ITGA11: variants seen among roughly 807,000 people sequenced by gnomAD.
ITGA11 encodes integrin subunit alpha 11, also known as integrin alpha-11.
ITGA11 carries 97 observed loss-of-function variants against 141.9 expected under a neutral mutation model. The observed-to-expected ratio is 0.68, with a 90% CI of 0.58 to 0.81. The LOEUF is 0.81. Among genes scored for constraint, ITGA11 ranks in the 30% least tolerant of loss-of-function variants. The pLI is 0.00. For missense variants in ITGA11, 1,387 were observed against 1,559.2 expected (o/e 0.89, Z 1.86); for synonymous variants, 658 against 624.6 (o/e 1.05, Z -0.80).
At chr15:68,425,265 GA>G (rs900660738) in intron 1 of ITGA11, among the ~76,000 whole-genome samples, 2 of 152,234 alleles carry the variant, frequency 1.3e-5, no homozygotes, top group Admixed American at 1.3e-4. Context: ...CTCATGTTCA[GA>G]AAGGCCCTGC....
intron 11 of ITGA11, among the ~76,000 whole-genome samples, chr15:68,337,360 C>T (rs1032874547): frequency 1.3e-5 from 2 of 151,996 alleles, no homozygotes; most frequent in South Asian, 2.1e-4. Context: ...GACCATGGCC[C>T]GAAATTTATA....
chr15:68,332,323 C>G lies in ITGA11; in HGVS notation c.1566+15G>C, dbSNP rs755320981. On this transcript the variant is annotated intron_variant, in intron 13 of 29. Coordinates refer to ENST00000315757, the MANE Select transcript of ITGA11 (RefSeq NM_001004439.2). ...GGGGCACCTGAGAAGCTGCCCAGCC[C>G]CTGCCCAGCTGTACCTGTCTCAGCT... is the stretch of plus-strand genomic sequence containing the variant. The G allele has an allele frequency of 1.3e-6, 2 of 1,597,314 alleles. No homozygotes were observed. Among genetic ancestry groups the G allele is most frequent in the African/African-American group, 2.7e-5 (2 of 74,594 alleles).
intron 2 of ITGA11, among the ~76,000 whole-genome samples, chr15:68,387,676 T>A (rs1896019240): frequency 6.6e-6 from 1 of 152,108 alleles, no homozygotes; most frequent in Admixed American, 6.5e-5. Context: ...TGGGCTCCAA[T>A]CCTGGTAGAG....
At chr15:68,316,225 C>G (rs1893570020) in intron 21 of ITGA11, among the ~76,000 whole-genome samples, 1 of 152,206 alleles carries the variant, frequency 6.6e-6, no homozygotes, top group African/African-American at 2.4e-5. Flanking sequence ...AGTGGCCACC[C>G]AGCAGGCCAA....
intron 2 of ITGA11, among the ~76,000 whole-genome samples, chr15:68,377,335 G>A (rs986512167): frequency 2.0e-5 from 3 of 152,090 alleles, no homozygotes; most frequent in African/African-American, 7.2e-5. Flanking sequence ...GCAGTGGTGG[G>A]ATCTCAGCTC....
At chr15:68,379,323 C>T (rs574157559) in intron 2 of ITGA11, among the ~76,000 whole-genome samples, 45 of 152,326 alleles carry the variant, frequency 3.0e-4, no homozygotes, top group African/African-American at 1.1e-3. Context: ...GAAGCTTTGT[C>T]TATACCTTTA....
rs919307991 is a variant in ITGA11, at chr15:68,335,055, C to T, written c.1425+642G>A. On this transcript the variant is annotated intron_variant, in intron 12 of 29. Coordinates refer to ENST00000315757, the MANE Select transcript of ITGA11 (RefSeq NM_001004439.2). This position sits in a 1 kb window ranked among gnomAD's most constrained non-coding sequence, Gnocchi z 4.9. Reference sequence around the variant, plus strand: ...CTCAGGAGACAGGACTGTTCCCAGGCTCAGGAGAGCCGGCAGGGAGCTGGG... The same window carrying T: ...CTCAGGAGACAGGACTGTTCCCAGGTTCAGGAGAGCCGGCAGGGAGCTGGG... Among the ~76,000 whole-genome samples the T allele has an allele frequency of 6.6e-6, 1 of 152,142 alleles. No homozygotes were observed. The highest frequency in any genetic ancestry group is 2.4e-5 in the African/African-American group (1 of 41,446).
chr15:68,360,620 G>A (rs1006192257), intron 5 of ITGA11, among the ~76,000 whole-genome samples: 1 of 152,184 alleles, frequency 6.6e-6, no homozygotes, highest in African/African-American at 2.4e-5. Flanking sequence ...TCCACCACAT[G>A]AGGTTCAGGG....
At chr15:68,311,123 C>T (rs781049504) in intron 25 of ITGA11, 43 bp from the exon 26 acceptor site, 1 of 1,495,138 alleles carries the variant, frequency 6.7e-7, no homozygotes, top group African/African-American at 1.4e-5. Context: ...CACAGCCTCA[C>T]AACCAGCTCT....
intron 10 of ITGA11, among the ~76,000 whole-genome samples, chr15:68,342,603 T>C (rs1485685002): frequency 1.3e-5 from 2 of 152,098 alleles, no homozygotes; most frequent in African/African-American, 4.8e-5. Context: ...GCTCCCAGGG[T>C]GTGTGACCAT....
Position 68,311,055 on chromosome 15 carries a change from C to T in ITGA11, c.3113G>A (p.Gly1038Asp), listed in dbSNP as rs1893364092. ...DEANTSCNIW[G>D]NSTEYRPTPV... ...GGTGGGCCGGTACTCAGTGCTATTG[C>T]CCCAGATGTTACAGGACGTGTTCGC... Residue 1038 changes from glycine to aspartate, a missense_variant, in exon 26 of 30, where the codon GGC becomes GAC. By Grantham distance (94) the Gly-to-Asp change is moderately conservative. Coordinates refer to ENST00000315757, the MANE Select transcript of ITGA11 (RefSeq NM_001004439.2). 6.2e-7 allele frequency: 1 copy of T among 1,607,844 alleles called. No homozygotes were observed. The highest frequency in any genetic ancestry group is 8.5e-7 in the Non-Finnish European group (1 of 1,177,092).
intron 2 of ITGA11, among the ~76,000 whole-genome samples, chr15:68,391,166 C>G (rs1465991740): frequency 6.6e-6 from 1 of 152,026 alleles, no homozygotes; most frequent in Non-Finnish European, 1.5e-5. Flanking sequence ...CTAGAAAGGC[C>G]CAGTGTGCTC....
Position 68,348,823 on chromosome 15 carries a change from C to A in ITGA11, c.1131+7G>T. On this transcript the variant is annotated splice_region_variant and intron_variant, in intron 10 of 29. Transcript: ENST00000315757. ...CTGGGCTCTGTGCCCGTACCTCCACCACATACCTCCACCACGTGCGAGGAA... is the reference window on the plus strand; with the variant it reads ...CTGGGCTCTGTGCCCGTACCTCCACAACATACCTCCACCACGTGCGAGGAA... The A allele has an allele frequency of 6.2e-7, 1 of 1,605,612 alleles. No homozygotes were observed. The highest frequency in any genetic ancestry group is 1.1e-5 in the South Asian group (1 of 89,032).
In ITGA11 at chr15:68,322,331, G is replaced by C. The variant is rs1344266770; in HGVS notation, c.2323-828C>G. Among the ~76,000 whole-genome samples, 45 of 152,156 alleles carry C rather than the reference G, an allele frequency of 3.0e-4. 1 individual carries two copies. The highest frequency in any genetic ancestry group is 2.9e-3 in the Admixed American group (45 of 15,274). On this transcript the variant is annotated intron_variant, in intron 18 of 29. Transcript: ENST00000315757. This position sits in a 1 kb window ranked among gnomAD's most constrained non-coding sequence, Gnocchi z 5.6. ...CTGCCCTGGCTGCTGTGGGAGAATGGAGTGAGAAGATGGAGGCTCGAGGCA... is the reference window on the plus strand; with the variant it reads ...CTGCCCTGGCTGCTGTGGGAGAATGCAGTGAGAAGATGGAGGCTCGAGGCA...
intron 21 of ITGA11, among the ~76,000 whole-genome samples, chr15:68,316,837 C>T (rs1893596781): frequency 6.6e-6 from 1 of 152,254 alleles, no homozygotes; most frequent in Admixed American, 6.5e-5. Flanking sequence ...TACTTTGCTT[C>T]TCCCTTCACA....
intron 2 of ITGA11, among the ~76,000 whole-genome samples, chr15:68,377,083 G>A (rs1895747850): frequency 6.6e-6 from 1 of 152,150 alleles, no homozygotes; most frequent in African/African-American, 2.4e-5. Context: ...AGCGCACCCA[G>A]ATTGATTTTA....
intron 20 of ITGA11, among the ~76,000 whole-genome samples, chr15:68,319,900 G>A (rs1028099179): frequency 5.3e-5 from 8 of 152,098 alleles, no homozygotes; most frequent in Non-Finnish European, 7.3e-5. Context: ...CTCCAGAGGA[G>A]GAGTCTGGGG....
chr15:68,396,469 C>T (rs1896244309), intron 2 of ITGA11, among the ~76,000 whole-genome samples: 1 of 151,904 alleles, frequency 6.6e-6, no homozygotes, highest in Admixed American at 6.6e-5. Context: ...GAGTTAACAT[C>T]TTATTTAATT....
At chr15:68,420,961 C>A (rs938168760) in intron 1 of ITGA11, among the ~76,000 whole-genome samples, 1 of 152,174 alleles carries the variant, frequency 6.6e-6, no homozygotes, top group Non-Finnish European at 1.5e-5. Flanking sequence ...GGTAGGAGCC[C>A]GAGGCAAGGC....
Sources: allele counts gnomAD v4.1 joint callset (sites outside exome capture counted in the v4.1 genomes callset), GRCh38; gene constraint gnomAD v4.1.1; non-coding constraint Gnocchi (gnomAD v3.1); transcripts MANE v1.5; gene names NCBI Gene and HGNC (gene_info 2026-07-23, HGNC 2026-07-21).